Variants in P3H2 observed in about 807,000 individuals in gnomAD.
P3H2 encodes prolyl 3-hydroxylase 2, also known as leprecan-like 1.
A neutral mutation model predicts 87.0 loss-of-function variants in P3H2; 80 were observed. The ratio of observed to expected loss-of-function variants is 0.92; its 90% CI spans 0.77 to 1.11. P3H2 has a LOEUF of 1.11. Ranked by LOEUF, P3H2 falls within the 50% of genes least tolerant of loss-of-function variation. The pLI is 0.00. For missense variants in P3H2, 1,001 were observed against 923.9 expected, an observed-to-expected ratio of 1.08 and a Z score of -1.08; for synonymous variants, 367 against 359.3, an observed-to-expected ratio of 1.02 and a Z score of -0.24.
intron 1 of P3H2, among the ~76,000 whole-genome samples, chr3:190,018,901 T>C (rs949919250): frequency 2.0e-5 from 3 of 152,144 alleles, no homozygotes; most frequent in African/African-American, 4.8e-5. Context: ...TATCTTTCCT[T>C]ATAATACAGC....
rs1435469560 is a variant in P3H2 at position 189,974,007 on chromosome 3, G to A, written c.1453-3C>T. On this transcript the variant is annotated splice_polypyrimidine_tract_variant and splice_region_variant and intron_variant, in intron 9 of 14. Transcript: ENST00000319332. Reference sequence around the variant, plus strand: ...CCATCACCAACAAGCATGATTCCCTGGAAGCAAATACAAGAAGATACGTCA... The same window carrying A: ...CCATCACCAACAAGCATGATTCCCTAGAAGCAAATACAAGAAGATACGTCA... 3 of 1,609,202 alleles carry A rather than the reference G, an allele frequency of 1.9e-6. No homozygotes were observed. The highest frequency in any genetic ancestry group is 2.6e-6 in the Non-Finnish European group (3 of 1,175,572).
intron 8 of P3H2, among the ~76,000 whole-genome samples, chr3:189,980,949 C>T (rs377170752): frequency 6.6e-6 from 1 of 152,138 alleles, no homozygotes; most frequent in Non-Finnish European, 1.5e-5. Flanking sequence ...GAGTTTGGGG[C>T]CTGCAAATTA....
intron 1 of P3H2, among the ~76,000 whole-genome samples, chr3:190,081,067 T>C (rs1727027277): frequency 6.6e-6 from 1 of 152,242 alleles, no homozygotes; most frequent in African/African-American, 2.4e-5. Context: ...TCTTTGTTAG[T>C]GTCTCCAACT....
At chr3:189,987,842 A>G (rs1723754620) in intron 4 of P3H2, 173 bp from the exon 5 acceptor site, 2 of 717,614 alleles carry the variant, frequency 2.8e-6, no homozygotes, top group East Asian at 2.7e-5. Flanking sequence ...GAAAGACATG[A>G]TTTCAAGTAT....
At position 189,957,036 on chromosome 3, in the gene P3H2, C is replaced by G. The variant is rs948703787; in HGVS notation, c.*876G>C. On this transcript the variant is annotated 3_prime_UTR_variant, in exon 15 of 15. Coordinates refer to ENST00000319332, the MANE Select transcript of P3H2 (RefSeq NM_018192.4). ...TGTACAACTTATAGGACAGTCCTTT[C>G]TGGAGTACTGTGGAGGGTGAATCAA... 2 of 398,276 alleles carry G rather than the reference C, an allele frequency of 5.0e-6. No individual in the cohort carries two copies. The highest frequency in any genetic ancestry group is 1.3e-4 in the South Asian group (1 of 7,842). The allele number at this position is 398,276 out of a possible 1,614,324, so 24.7% of individuals were successfully genotyped here. A position where few individuals can be genotyped will look rare whatever the true frequency, so the allele number is the denominator to read the frequency against.
chr3:190,004,445 G>T (rs191112305), intron 1 of P3H2, among the ~76,000 whole-genome samples: 8 of 152,014 alleles, frequency 5.3e-5, no homozygotes, highest in Non-Finnish European at 1.2e-4. Flanking sequence ...TGCAGTGGCG[G>T]GATCTCGGCT....
At chr3:190,045,515 A>AAG (rs1302898723) in intron 1 of P3H2, among the ~76,000 whole-genome samples, 2 of 152,114 alleles carry the variant, frequency 1.3e-5, no homozygotes, top group East Asian at 1.9e-4. Flanking sequence ...GTATGACAGA[A>AAG]AGAGAGAGAG....
At chr3:190,014,360 T>C (rs946265843) in intron 1 of P3H2, among the ~76,000 whole-genome samples, 1 of 152,216 alleles carries the variant, frequency 6.6e-6, no homozygotes, top group African/African-American at 2.4e-5. Flanking sequence ...GAGAAGCATA[T>C]CATTTAGGAG....
intron 8 of P3H2, among the ~76,000 whole-genome samples, chr3:189,976,699 G>T (rs1723360113): frequency 6.6e-6 from 1 of 152,142 alleles, no homozygotes; most frequent in African/African-American, 2.4e-5. Flanking sequence ...GACCATAACT[G>T]TGCCCATTGA....
chr3:189,983,466 T>C (rs1723598776), intron 7 of P3H2: 1 of 277,128 alleles, frequency 3.6e-6, no homozygotes, highest in Non-Finnish European at 6.9e-6. Context: ...GCTCAGAGTG[T>C]CCAATGGGGC....
intron 1 of P3H2, among the ~76,000 whole-genome samples, chr3:190,038,558 A>G (rs1162798265): frequency 1.3e-5 from 2 of 151,232 alleles, no homozygotes; most frequent in Non-Finnish European, 2.9e-5. Context: ...ATAAAAGCTG[A>G]TGACTTTTTA....
chr3:190,073,800 T>C (rs1206445028), intron 1 of P3H2, among the ~76,000 whole-genome samples: 1 of 152,194 alleles, frequency 6.6e-6, no homozygotes, highest in African/African-American at 2.4e-5. Flanking sequence ...ATCAAGGACT[T>C]TTGCTCTTTT....
chr3:189,990,871 A>G (rs1379674949), intron 3 of P3H2, among the ~76,000 whole-genome samples: 2 of 152,226 alleles, frequency 1.3e-5, no homozygotes, highest in African/African-American at 4.8e-5. Flanking sequence ...TGAGATCTCT[A>G]TTCTTTTCCA....
At chr3:190,107,076 T>G (rs887522681) in intron 1 of P3H2, among the ~76,000 whole-genome samples, 4 of 152,108 alleles carry the variant, frequency 2.6e-5, no homozygotes, top group Admixed American at 2.6e-4. Context: ...TTCAGGTTTC[T>G]TCAAAATCTG....
At chr3:189,960,939 C>G (rs1411891235) in intron 14 of P3H2, among the ~76,000 whole-genome samples, 2 of 144,120 alleles carry the variant, frequency 1.4e-5, no homozygotes, top group Admixed American at 1.4e-4. Flanking sequence ...ATAAGGAAAA[C>G]AATCTTTTTT....
At chr3:190,062,712 T>C (rs1423535033) in intron 1 of P3H2, among the ~76,000 whole-genome samples, 1 of 152,144 alleles carries the variant, frequency 6.6e-6, no homozygotes, top group Non-Finnish European at 1.5e-5. Flanking sequence ...TTACTCAATC[T>C]CTCTGTGGCT....
intron 1 of P3H2, among the ~76,000 whole-genome samples, chr3:190,020,434 A>G (rs542301900): frequency 7.4e-6 from 1 of 135,122 alleles, no homozygotes; most frequent in African/African-American, 2.6e-5. Context: ...TTTTAAAAAA[A>G]TAAAGCAGCT....
chr3:189,975,235 G>C (rs1256691257), intron 8 of P3H2, among the ~76,000 whole-genome samples: 1 of 152,152 alleles, frequency 6.6e-6, no homozygotes, highest in Non-Finnish European at 1.5e-5. Context: ...GTTTTTCTCT[G>C]TTCTCCAGGC....
At chr3:189,970,191 A>AATATATATAT (rs71175322) in intron 13 of P3H2, among the ~76,000 whole-genome samples, 1,437 of 53,844 alleles carry the variant, frequency 0.027, 70 homozygotes, top group Middle Eastern at 0.076. Context: ...TATATATGCA[A>AATATATATAT]ATATATATAT....
Sources: gnomAD v4.1 joint callset for allele counts (sites outside exome capture counted in the v4.1 genomes callset) on GRCh38, gnomAD v4.1.1 for gene constraint, MANE v1.5 for transcripts, NCBI Gene and HGNC (gene_info 2026-07-23, HGNC 2026-07-21) for gene names.